ME2: variants seen among roughly 807,000 people sequenced by gnomAD.
The protein encoded by ME2 is NAD-dependent malic enzyme, mitochondrial.
ME2 carries 60 observed loss-of-function variants against 73.7 expected under a neutral mutation model. That is an observed-to-expected ratio of 0.81 (90% CI 0.66 to 1.01). The LOEUF (loss-of-function observed/expected upper bound fraction) is 1.01, where lower values mean the gene tolerates loss of function less well. Among genes scored for constraint, ME2 ranks in the 50% least tolerant of loss-of-function variants. The pLI, the probability that ME2 is intolerant of heterozygous loss-of-function variation, is 0.00. For missense variants in ME2, 594 were observed against 705.5 expected, an observed-to-expected ratio of 0.84 and a Z score of 1.79; for synonymous variants, 199 against 236.9, an observed-to-expected ratio of 0.84 and a Z score of 1.47.
At chr18:50,917,065 T>C (rs1015103351) in intron 5 of ME2, 2 of 235,318 alleles carry the variant, frequency 8.5e-6, no homozygotes, top group Admixed American at 5.1e-5. Context: ...CTCTGCCATA[T>C]TTAATCTTTC....
intron 1 of ME2, among the ~76,000 whole-genome samples, chr18:50,880,260 TTTAGG>T (rs1457444118): frequency 6.6e-6 from 1 of 152,104 alleles, no homozygotes; most frequent in Non-Finnish European, 1.5e-5. Context: ...GAAACTAAGG[TTTAGG>T]TAGGTTAAGT....
chr18:50,931,741 A>G (rs913046592), intron 12 of ME2, among the ~76,000 whole-genome samples: 16 of 149,534 alleles, frequency 1.1e-4, no homozygotes, highest in South Asian at 6.3e-4. Flanking sequence ...GTGGCGTGCT[A>G]TCGGCTCACT....
intron 12 of ME2, among the ~76,000 whole-genome samples, chr18:50,931,934 T>C (rs1182594213): frequency 1.3e-5 from 2 of 152,152 alleles, no homozygotes; most frequent in Non-Finnish European, 2.9e-5. Flanking sequence ...CTGCCCACCT[T>C]GGCCTCCCAA....
rs1324819625 is a variant in ME2, at chr18:50,948,569, G to A, written c.*1385G>A. On this transcript the variant is annotated 3_prime_UTR_variant, in exon 16 of 16. Coordinates refer to ENST00000321341, the MANE Select transcript of ME2 (RefSeq NM_002396.5). ...TTTTTTTTTTTTTTTTTTTGAGACA[G>A]AGTCTCACTCTGTTACCAGGCTGGA... 1 of 121,262 alleles carries A rather than the reference G, an allele frequency of 8.2e-6. No individual in the cohort carries two copies. The allele number at this position is 121,262 out of a possible 1,614,324, so 7.5% of individuals were successfully genotyped here.
chr18:50,893,144 A>C (rs1455703101), intron 1 of ME2, among the ~76,000 whole-genome samples: 2 of 128,964 alleles, frequency 1.6e-5, no homozygotes, highest in Admixed American at 1.7e-4. Flanking sequence ...AAAAAAAAAA[A>C]AAAAAAAACA....
rs769484616 is a variant in ME2 at position 50,924,161 on chromosome 18, C to T, written c.1120C>T (p.Pro374Ser). The T allele has an allele frequency of 1.2e-6, 2 of 1,613,212 alleles. No individual in the cohort carries two copies. Among genetic ancestry groups the T allele is most frequent in the Admixed American group, 3.3e-5 (2 of 59,972 alleles). The change falls in exon 11 of 16, where the codon CCT becomes TCT. Residue 374 changes from proline (P) to serine (S), a missense_variant. Pro to Ser is a moderately conservative substitution (Grantham distance 74). Coordinates refer to ENST00000321341, the MANE Select transcript of ME2 (RefSeq NM_002396.5). Reference protein sequence around the residue: ...PFTHSAPESIPDTFEDAVNIL... With the variant: ...PFTHSAPESISDTFEDAVNIL... Reference sequence around the variant, plus strand: ...TACTCACTCAGCCCCAGAGAGCATACCTGATACTTTTGAAGATGCAGTGAA... The same window carrying T: ...TACTCACTCAGCCCCAGAGAGCATATCTGATACTTTTGAAGATGCAGTGAA...
intron 1 of ME2, among the ~76,000 whole-genome samples, chr18:50,894,935 CT>C: frequency 6.7e-6 from 1 of 149,098 alleles, no homozygotes; most frequent in Admixed American, 6.7e-5. Context: ...AAAATGGTTA[CT>C]TTTATGATAT....
At chr18:50,929,570 A>T (rs568968524) in intron 12 of ME2, among the ~76,000 whole-genome samples, 1 of 151,718 alleles carries the variant, frequency 6.6e-6, no homozygotes, top group African/African-American at 2.4e-5. Context: ...CTTTTTGACC[A>T]CTCCATTAGT....
chr18:50,944,530 C>T (rs1918038810), intron 15 of ME2, among the ~76,000 whole-genome samples: 1 of 152,194 alleles, frequency 6.6e-6, no homozygotes. Context: ...CACCAGTCAC[C>T]TTCTGCATGC....
chr18:50,927,304 T>C (rs184264551), intron 12 of ME2, among the ~76,000 whole-genome samples: 1 of 152,288 alleles, frequency 6.6e-6, no homozygotes, highest in Non-Finnish European at 1.5e-5. Flanking sequence ...GAGTAAGTAA[T>C]AAATCTGATA....
chr18:50,921,699 CCCGAGGCTACCGTGCCTGG>C (rs1917435057), intron 10 of ME2, among the ~76,000 whole-genome samples: 1 of 152,098 alleles, frequency 6.6e-6, no homozygotes, highest in Non-Finnish European at 1.5e-5. Flanking sequence ...GCCTGAGCCT[CCCGAGGCTACCGTGCCTGG>C]CCGTGAGCAG....
chr18:50,907,512 AG>A (rs1917044571), intron 2 of ME2, among the ~76,000 whole-genome samples: 1 of 152,220 alleles, frequency 6.6e-6, no homozygotes. Flanking sequence ...TTTGATACGA[AG>A]AATTTAACCC....
rs1207474572 is a variant in ME2 at position 50,908,193 on chromosome 18, A to G, written c.239A>G (p.Glu80Gly). The change falls in exon 3 of 16, where the codon GAA (glutamate) becomes GGA (glycine). Residue 80 changes from glutamate to glycine, a missense_variant. Physicochemically the swap from Glu to Gly is moderately conservative, Grantham distance 98 (BLOSUM62 -2). Coordinates refer to ENST00000321341, the MANE Select transcript of ME2 (RefSeq NM_002396.5). ...TTGAAGAAAATGACTAGCCCTTTGGAAAAGTAAGAGTTGCTTAGATGTTTC... is the reference window on the plus strand; with the variant it reads ...TTGAAGAAAATGACTAGCCCTTTGGGAAAGTAAGAGTTGCTTAGATGTTTC... ...RNLKKMTSPLEKYIYIMGIQE... is the reference protein window; with the variant it reads ...RNLKKMTSPLGKYIYIMGIQE... The G allele has an allele frequency of 4.4e-6, 7 of 1,587,198 alleles. No individual in the cohort carries two copies. The highest frequency in any genetic ancestry group is 6.0e-6 in the Non-Finnish European group (7 of 1,170,914).
chr18:50,893,151 A>AAAAAAAAAAAAAAAAAAAC (rs1916649164), intron 1 of ME2, among the ~76,000 whole-genome samples: 3 of 143,284 alleles, frequency 2.1e-5, no homozygotes, highest in Non-Finnish European at 4.6e-5. Flanking sequence ...AAAAAAAAAA[A>AAAAAAAAAAAAAAAAAAAC]ACACCTTTAA....
At chr18:50,901,721 T>G (rs1916895633) in intron 2 of ME2, among the ~76,000 whole-genome samples, 1 of 152,236 alleles carries the variant, frequency 6.6e-6, no homozygotes, top group African/African-American at 2.4e-5. Flanking sequence ...GTACATAGCC[T>G]CCGACCCTCA....
At chr18:50,925,225 T>C (rs1174981389) in intron 11 of ME2, among the ~76,000 whole-genome samples, 2 of 152,200 alleles carry the variant, frequency 1.3e-5, no homozygotes, top group Non-Finnish European at 2.9e-5. Context: ...ACACCTGTAA[T>C]TCCAGCACTC....
At chr18:50,940,535 CAT>C in intron 15 of ME2, 149 bp downstream of exon 15, 1 of 617,162 alleles carries the variant, frequency 1.6e-6, no homozygotes. Flanking sequence ...ATATAACACA[CAT>C]GATTATTTTG....
intron 1 of ME2, 95 bp downstream of exon 1, chr18:50,879,403 G>C (rs1003162987): frequency 6.6e-6 from 1 of 151,926 alleles, no homozygotes; most frequent in Admixed American, 6.6e-5. Context: ...GCGCTGCCGC[G>C]CCTCCGGCCT....
At chr18:50,927,483 G>A (rs909927789) in intron 12 of ME2, among the ~76,000 whole-genome samples, 8 of 151,714 alleles carry the variant, frequency 5.3e-5, no homozygotes, top group South Asian at 2.1e-4. Flanking sequence ...GGCAGATCAC[G>A]AGGTCAGGAG....
Sources: gnomAD v4.1 joint callset for allele counts (sites outside exome capture counted in the v4.1 genomes callset) on GRCh38, gnomAD v4.1.1 for gene constraint, MANE v1.5 for transcripts, NCBI Gene and HGNC (gene_info 2026-07-23, HGNC 2026-07-21) for gene names.